The following GLOD4 variants were observed in gnomAD, a reference collection of about 807,000 sequenced individuals.
GLOD4 encodes glyoxalase domain-containing protein 4.
Under a neutral mutation model 39.1 loss-of-function variants are expected in GLOD4, and 44 were observed. The observed-to-expected ratio is 1.13, with a 90% confidence interval of 0.88 to 1.45. The LOEUF (loss-of-function observed/expected upper bound fraction) is 1.45, where lower values mean the gene tolerates loss of function less well. GLOD4 is among the 40% of genes most tolerant of loss of function. GLOD4 has a pLI of 0.00. For missense variants in GLOD4, 405 were observed against 366.4 expected, an observed-to-expected ratio of 1.11 and a Z score of -0.86; for synonymous variants, 145 against 135.0, an observed-to-expected ratio of 1.07 and a Z score of -0.52.
At chr17:765,641 T>G (rs1002775421) in intron 8 of GLOD4, among the ~76,000 whole-genome samples, 8 of 148,414 alleles carry the variant, frequency 5.4e-5, no homozygotes, top group Non-Finnish European at 1.0e-4. Context: ...AGACAGGGTT[T>G]CACCGTGTTA....
intron 8 of GLOD4, among the ~76,000 whole-genome samples, chr17:766,916 A>G (rs367748315): frequency 6.6e-6 from 1 of 152,188 alleles, no homozygotes; most frequent in African/African-American, 2.4e-5. Context: ...TTAATTCAGT[A>G]ATTAATTTAA....
intron 8 of GLOD4, among the ~76,000 whole-genome samples, chr17:762,612 C>G (rs1483655980): frequency 6.7e-6 from 1 of 149,150 alleles, no homozygotes; most frequent in Non-Finnish European, 1.5e-5. Flanking sequence ...ATTATTTCAT[C>G]ACCATCCAGG....
upstream of GLOD4, chr17:782,429 G>A (rs1316011375): frequency 1.2e-6 from 2 of 1,614,038 alleles, no homozygotes; most frequent in Admixed American, 1.7e-5. Flanking sequence ...CGTTGCTGCA[G>A]GTGGTCCAGG....
At chr17:765,559 G>A (rs1906373180) in intron 8 of GLOD4, among the ~76,000 whole-genome samples, 1 of 150,884 alleles carries the variant, frequency 6.6e-6, no homozygotes, top group Non-Finnish European at 1.5e-5. Flanking sequence ...GCCAGGCGCA[G>A]TGGCTCACGC....
chr17:781,073 A>G (rs1473824820), intron 1 of GLOD4, among the ~76,000 whole-genome samples: 1 of 151,974 alleles, frequency 6.6e-6, no homozygotes, highest in Admixed American at 6.6e-5. Flanking sequence ...GGCGTGTGCC[A>G]CCATGCCCGG....
intron 8 of GLOD4, chr17:764,948 A>C (rs1193776371): frequency 6.6e-6 from 1 of 150,922 alleles, no homozygotes; most frequent in Non-Finnish European, 1.5e-5. Flanking sequence ...CGGAGCTTGC[A>C]GTGAGCAGAG....
intron 4 of GLOD4, among the ~76,000 whole-genome samples, chr17:774,851 G>A (rs1010492525): frequency 1.3e-5 from 2 of 151,886 alleles, no homozygotes; most frequent in African/African-American, 2.4e-5. Flanking sequence ...GGCGGATCAA[G>A]TGAGGTCAGA....
intron 2 of GLOD4, 85 bp from the exon 3 acceptor site, chr17:777,073 T>C: frequency 4.7e-6 from 6 of 1,263,466 alleles, no homozygotes; most frequent in East Asian, 2.3e-5. Flanking sequence ...CACAGAGAGA[T>C]GAGCATTCCT....
At chr17:781,248 A>G (rs1211305217) in intron 1 of GLOD4, among the ~76,000 whole-genome samples, 1 of 152,146 alleles carries the variant, frequency 6.6e-6, no homozygotes. Context: ...CAACCTTTTG[A>G]TCGACGAGGA....
chr17:782,735 C>A, upstream of GLOD4: 2 of 1,550,444 alleles, frequency 1.3e-6, no homozygotes. Context: ...CGTTTCCCTT[C>A]CCGTCGCACA....
At chr17:780,956 C>T (rs1301773106) in intron 1 of GLOD4, among the ~76,000 whole-genome samples, 268 of 101,884 alleles carry the variant, frequency 2.6e-3, no homozygotes, top group African/African-American at 0.01. Context: ...GTTTTGCTTT[C>T]GTCATCCAGG....
intron 5 of GLOD4, 180 bp from the exon 6 acceptor site, chr17:770,687 G>A (rs1274390209): frequency 1.8e-5 from 8 of 450,568 alleles, no homozygotes; most frequent in African/African-American, 4.2e-5. Flanking sequence ...AGCACTGCAC[G>A]CATCTATGTT....
rs1476340182 is a variant in GLOD4 at position 770,432 on chromosome 17, G to A, written c.619C>T (p.Pro207Ser). The A allele has an allele frequency of 6.5e-7, 1 of 1,539,992 alleles. No homozygotes were observed. Among genetic ancestry groups the A allele is most frequent in the South Asian group, 1.1e-5 (1 of 89,716 alleles). The change falls in exon 6 of 9, where the codon CCC (proline) becomes TCC (serine). Residue 207 changes from proline to serine, a missense_variant. By Grantham distance (74) the Pro-to-Ser change is moderately conservative. Coordinates refer to ENST00000301329, the MANE Select transcript of GLOD4 (RefSeq NM_016080.4). Reference protein sequence around the residue: ...AAFGRIAFSCPQKELPDLEDL... With the variant: ...AAFGRIAFSCSQKELPDLEDL... ...GTATCAAGCGTTACCTCTTTCTGGGGGCAAGAGAAGGCAATTCTTCCAAAA... is the reference window on the plus strand; with the variant it reads ...GTATCAAGCGTTACCTCTTTCTGGGAGCAAGAGAAGGCAATTCTTCCAAAA...
At chr17:778,594 T>C (rs764746020) in intron 2 of GLOD4, 101 bp downstream of exon 2, 14 of 802,880 alleles carry the variant, frequency 1.7e-5, no homozygotes, top group Non-Finnish European at 3.1e-5. Context: ...TACTGCCTCC[T>C]TAATTAATTC....
In GLOD4 at chr17:770,112, GA is replaced by G. The variant is rs1214433054; in HGVS notation, c.675del (p.Leu226Ter). The G allele has an allele frequency of 6.2e-7, 1 of 1,612,918 alleles. No homozygotes were observed. Among genetic ancestry groups the G allele is most frequent in the African/African-American group, 1.3e-5 (1 of 74,852 alleles). On this transcript the variant is annotated frameshift_variant, in exon 7 of 9. Transcript: ENST00000301329. LOFTEE classifies it high-confidence loss of function. ...GTGTCCAGGCTCACCAGGGGAGTCA[GA>G]ATCTTCTGGTTCTCCCTTTTCATCA... The part of the protein sequence containing the change: ...EDLMKRENQK[I>X]LTPLVSLDTP...
intron 8 of GLOD4, among the ~76,000 whole-genome samples, chr17:769,472 G>A (rs540125765): frequency 1.3e-5 from 2 of 149,060 alleles, no homozygotes; most frequent in Non-Finnish European, 3.0e-5. Context: ...AGAGCTGAGG[G>A]GGTCAGATGG....
At position 782,160 on chromosome 17, in the gene GLOD4, C is replaced by A; in HGVS notation, c.90+6G>T. ...CGCGCCAGCCCCTGTCGGCCCCGGCCTGCACCTTCATCCCCAGGACGTCCC... is the reference window on the plus strand; with the variant it reads ...CGCGCCAGCCCCTGTCGGCCCCGGCATGCACCTTCATCCCCAGGACGTCCC... On this transcript the variant is annotated splice_donor_region_variant and intron_variant, in intron 1 of 8. Coordinates refer to ENST00000301329, the MANE Select transcript of GLOD4 (RefSeq NM_016080.4). 1 of 1,594,710 alleles carries A rather than the reference C, an allele frequency of 6.3e-7. No homozygotes were observed. The highest frequency in any genetic ancestry group is 1.7e-5 in the Admixed American group (1 of 59,102).
At chr17:779,730 G>A (rs1909559634) in intron 1 of GLOD4, among the ~76,000 whole-genome samples, 1 of 152,012 alleles carries the variant, frequency 6.6e-6, no homozygotes, top group Non-Finnish European at 1.5e-5. Flanking sequence ...CTCCTAACAT[G>A]TGATGGGAAT....
intron 4 of GLOD4, among the ~76,000 whole-genome samples, chr17:773,885 G>A (rs1567793439): frequency 6.6e-6 from 1 of 152,190 alleles, no homozygotes; most frequent in East Asian, 1.9e-4. Context: ...CTGCACAGAA[G>A]TGGGTAATTC....
Sources: allele counts gnomAD v4.1 joint callset (sites outside exome capture counted in the v4.1 genomes callset), GRCh38; gene constraint gnomAD v4.1.1; transcripts MANE v1.5; gene names NCBI Gene and HGNC (gene_info 2026-07-23, HGNC 2026-07-21).